Variants in KCNMB2 observed in about 807,000 individuals in gnomAD.
The protein encoded by KCNMB2 is potassium calcium-activated channel subfamily M regulatory beta subunit 2.
Under a neutral mutation model 24.5 loss-of-function variants are expected in KCNMB2, and 9 were observed. That is an observed-to-expected ratio of 0.37 (90% CI 0.22 to 0.64). KCNMB2 has a LOEUF of 0.64. Among genes scored for constraint, KCNMB2 ranks in the 30% least tolerant of loss-of-function variants. The pLI is 0.63. For synonymous variants in KCNMB2, 109 were observed against 104.4 expected, an observed-to-expected ratio of 1.04 and a Z score of -0.27; for missense variants, 226 against 284.3, an observed-to-expected ratio of 0.79 and a Z score of 1.47.
At chr3:178,727,176 T>C (rs1165435752) in intron 1 of KCNMB2, among the ~76,000 whole-genome samples, 3 of 152,090 alleles carry the variant, frequency 2.0e-5, no homozygotes, top group Non-Finnish European at 4.4e-5. Flanking sequence ...GCTCTCAATG[T>C]TCTTGAATCT....
chr3:178,825,139 G>C (rs1231778744), intron 2 of KCNMB2, among the ~76,000 whole-genome samples: 1 of 152,120 alleles, frequency 6.6e-6, no homozygotes, highest in East Asian at 1.9e-4. Flanking sequence ...AGATTAATTT[G>C]ATATATTCCT....
chr3:178,569,658 G>A (rs538648228), intron 1 of KCNMB2, among the ~76,000 whole-genome samples: 1 of 152,234 alleles, frequency 6.6e-6, no homozygotes, highest in South Asian at 2.1e-4. Flanking sequence ...AACATCATCT[G>A]CCTCTTTAAT....
chr3:178,699,280 G>A (rs1375875029), intron 1 of KCNMB2, among the ~76,000 whole-genome samples: 1 of 152,240 alleles, frequency 6.6e-6, no homozygotes, highest in Non-Finnish European at 1.5e-5. Flanking sequence ...TGGTGAGGGT[G>A]GGGCTTGCTG....
rs1290398651 is a variant in KCNMB2, at chr3:178,624,740, T to C, written c.-68+88029T>C. ...ACTCACTTGGGGGCTCAGGGAGGGG[T>C]GGGGGCTCGGTCCTGGGTGGGAAGG... On this transcript the variant is annotated intron_variant, in intron 1 of 4. Coordinates refer to ENST00000452583, the MANE Select transcript of KCNMB2 (RefSeq NM_181361.3). Among the ~76,000 whole-genome samples the C allele has an allele frequency of 7.3e-5, 9 of 123,104 alleles. No homozygotes were observed. In the East Asian group the frequency reaches 2.4e-3, roughly 32 times the overall value. The allele number at this position is 123,104 out of a possible 152,430, so 80.8% of individuals were successfully genotyped here.
In KCNMB2 at chr3:178,799,015, A is replaced by G. The variant is rs373202433; in HGVS notation, c.-67-8328A>G. ...AAAAAACTCTCAACAAACTAGGCAT[A>G]GAAGGAACATATCTCAACATAAGAA... On this transcript the variant is annotated intron_variant, in intron 1 of 4. Transcript: ENST00000452583. 3.3e-4 allele frequency among the ~76,000 whole-genome samples: 50 copies of G among 152,102 alleles called. 1 individual carries two copies. In the South Asian group the frequency reaches 0.01, roughly 31 times the overall value.
chr3:178,647,984 C>T (rs1282588409), intron 1 of KCNMB2, among the ~76,000 whole-genome samples: 1 of 151,836 alleles, frequency 6.6e-6, no homozygotes, highest in East Asian at 1.9e-4. Context: ...TTATACAGTA[C>T]ATATTGTCTT....
At chr3:178,840,209 A>G (rs1171680595) in intron 4 of KCNMB2, among the ~76,000 whole-genome samples, 1 of 152,178 alleles carries the variant, frequency 6.6e-6, no homozygotes, top group East Asian at 1.9e-4. Flanking sequence ...CTTTGACTCC[A>G]TGTCTCACAT....
intron 1 of KCNMB2, among the ~76,000 whole-genome samples, chr3:178,627,881 A>C (rs1278396540): frequency 6.6e-6 from 1 of 152,174 alleles, no homozygotes; most frequent in East Asian, 1.9e-4. Context: ...AAGAGCAAAG[A>C]ATTTAAATTT....
chr3:178,781,588 A>T lies in KCNMB2; in HGVS notation c.-67-25755A>T, dbSNP rs550221076. 7.6e-4 allele frequency among the ~76,000 whole-genome samples: 115 copies of T among 151,514 alleles called. 1 individual carries two copies. The highest frequency in any genetic ancestry group is 2.5e-3 in the African/African-American group (103 of 41,362). On this transcript the variant is annotated intron_variant, in intron 1 of 4. Coordinates refer to ENST00000452583, the MANE Select transcript of KCNMB2 (RefSeq NM_181361.3). ...GCCTTGGAGCAAGACTCTGTCTAAA[A>T]ATTTAAAAAATAATAATAATATATA...
intron 1 of KCNMB2, among the ~76,000 whole-genome samples, chr3:178,733,603 C>T (rs1008313390): frequency 4.6e-5 from 7 of 152,138 alleles, no homozygotes; most frequent in African/African-American, 1.7e-4. Context: ...GCCTCAGCCT[C>T]CCTAGTAGCT....
intron 1 of KCNMB2, among the ~76,000 whole-genome samples, chr3:178,671,473 T>C (rs1027248436): frequency 6.6e-6 from 1 of 152,164 alleles, no homozygotes; most frequent in African/African-American, 2.4e-5. Flanking sequence ...TGCTCCCATC[T>C]GCCTGGCAGA....
rs753363103 is a variant in KCNMB2, at chr3:178,615,568, A to G, written c.-68+78857A>G. On this transcript the variant is annotated intron_variant, in intron 1 of 4. Transcript: ENST00000452583. ...GTAGCCATCACCATCCCAGGCCACAAGGAGAACTGCCAGACTACCAGCCAA... is the reference window on the plus strand; with the variant it reads ...GTAGCCATCACCATCCCAGGCCACAGGGAGAACTGCCAGACTACCAGCCAA... Among the ~76,000 whole-genome samples the G allele has an allele frequency of 3.9e-4, 60 of 152,334 alleles. 2 individuals are homozygous for G. Among genetic ancestry groups the G allele is most frequent in the Admixed American group, 3.9e-3 (60 of 15,298 alleles).
chr3:178,549,551 G>A (rs1028393785), intron 1 of KCNMB2, among the ~76,000 whole-genome samples: 2 of 137,234 alleles, frequency 1.5e-5, no homozygotes, highest in African/African-American at 2.8e-5. Flanking sequence ...GGTCTTGAAT[G>A]CCTGACCTCA....
intron 1 of KCNMB2, among the ~76,000 whole-genome samples, chr3:178,704,645 A>T (rs569618339): frequency 6.6e-6 from 1 of 152,274 alleles, no homozygotes; most frequent in African/African-American, 2.4e-5. Context: ...GTTTTTAAAG[A>T]TACCTTGTTG....
chr3:178,735,516 GGT>G (rs1219833010), intron 1 of KCNMB2, among the ~76,000 whole-genome samples: 1 of 152,132 alleles, frequency 6.6e-6, no homozygotes, highest in Non-Finnish European at 1.5e-5. Context: ...AGTTTTGGAG[GGT>G]GTGTTTAAAA....
chr3:178,826,399 C>T (rs1324860883), intron 3 of KCNMB2, among the ~76,000 whole-genome samples: 3 of 152,204 alleles, frequency 2.0e-5, no homozygotes, highest in African/African-American at 7.2e-5. Flanking sequence ...AGAAACACTG[C>T]TATGCATCAA....
At chr3:178,563,086 G>A (rs1716382530) in intron 1 of KCNMB2, among the ~76,000 whole-genome samples, 1 of 152,218 alleles carries the variant, frequency 6.6e-6, no homozygotes, top group South Asian at 2.1e-4. Context: ...TGCAGCATGT[G>A]GAACAACTGA....
At chr3:178,811,019 T>C (rs1332399071) in intron 2 of KCNMB2, among the ~76,000 whole-genome samples, 1 of 151,544 alleles carries the variant, frequency 6.6e-6, no homozygotes, top group Non-Finnish European at 1.5e-5. Context: ...CCCAAAGTGC[T>C]GGGATTACAG....
intron 1 of KCNMB2, among the ~76,000 whole-genome samples, chr3:178,587,285 T>A (rs570161915): frequency 6.6e-6 from 1 of 152,226 alleles, no homozygotes; most frequent in Non-Finnish European, 1.5e-5. Flanking sequence ...CCCTAATAAA[T>A]TTTCCAGCAG....
Sources: gnomAD v4.1 joint callset for allele counts (sites outside exome capture counted in the v4.1 genomes callset) on GRCh38, gnomAD v4.1.1 for gene constraint, MANE v1.5 for transcripts, NCBI Gene and HGNC (gene_info 2026-07-23, HGNC 2026-07-21) for gene names.